Variants in DOCK2 observed in about 807,000 individuals in gnomAD.
The protein encoded by DOCK2 is dedicator of cytokinesis protein 2.
A neutral mutation model predicts 248.9 loss-of-function variants in DOCK2; 87 were observed. The observed-to-expected ratio is 0.35, with a 90% CI of 0.29 to 0.42. DOCK2 has a LOEUF of 0.42. Among genes scored for constraint, DOCK2 ranks in the 10% least tolerant of loss-of-function variants. DOCK2 has a pLI of 1.00. For synonymous variants in DOCK2, 805 were observed against 821.6 expected (o/e 0.98, Z 0.35); for missense variants, 1,747 against 2,300.2 (o/e 0.76, Z 4.92).
In DOCK2 at chr5:169,859,978, T is replaced by C. The variant is rs1342051996; in HGVS notation, c.2799+19126T>C. On this transcript the variant is annotated intron_variant, in intron 27 of 51. Coordinates refer to ENST00000520908, the MANE Select transcript of DOCK2 (RefSeq NM_004946.3). ...TCCTTCTTTTTTTTTTTTTTTTTCT[T>C]TTTTTTTTTTGAGACAGACTATTGC... Among the ~76,000 whole-genome samples the C allele has an allele frequency of 3.4e-5, 5 of 147,880 alleles. No individual in the cohort carries two copies. The East Asian group carries it at 7.8e-4, about 23-fold the overall frequency.
At chr5:169,801,313 T>C (rs1766977059) in intron 25 of DOCK2, among the ~76,000 whole-genome samples, 1 of 152,054 alleles carries the variant, frequency 6.6e-6, no homozygotes, top group East Asian at 1.9e-4. Context: ...AGACTGCACA[T>C]TTCATGTAGT....
intron 1 of DOCK2, among the ~76,000 whole-genome samples, chr5:169,644,847 A>G (rs1346577774): frequency 1.3e-5 from 2 of 151,936 alleles, no homozygotes; most frequent in Admixed American, 6.6e-5. Context: ...CCCCGTGGCC[A>G]TATGTTCTCA....
chr5:169,953,821 T>C (rs1057114764), intron 27 of DOCK2, among the ~76,000 whole-genome samples: 3 of 152,222 alleles, frequency 2.0e-5, no homozygotes, highest in African/African-American at 7.2e-5. Context: ...GCTAAGAGCA[T>C]GAGCCCTGGC....
chr5:169,705,874 C>T (rs1388868634), intron 14 of DOCK2, among the ~76,000 whole-genome samples: 1 of 152,226 alleles, frequency 6.6e-6, no homozygotes, highest in East Asian at 1.9e-4. Context: ...AGCCTCCAGG[C>T]TTCCTGATCC....
In DOCK2 at chr5:169,821,415, T is replaced by G. The variant is rs543718089; in HGVS notation, c.2703+18209T>G. On this transcript the variant is annotated intron_variant, in intron 26 of 51. Coordinates refer to ENST00000520908, the MANE Select transcript of DOCK2 (RefSeq NM_004946.3). ...AAGGGAAGCCCATCAGACTAACAGC[T>G]GATCTCTCGGCAGAAACTCTACAAG... 7.9e-5 allele frequency among the ~76,000 whole-genome samples: 12 copies of G among 152,274 alleles called. 1 individual carries two copies. In the South Asian group the frequency reaches 2.5e-3, roughly 32 times the overall value.
chr5:170,075,737 G>A (rs1008625649), intron 46 of DOCK2: 9 of 593,666 alleles, frequency 1.5e-5, no homozygotes, highest in African/African-American at 1.5e-4. Context: ...GGAAGCTGGG[G>A]GTCTTTCTCT....
chr5:169,881,175 A>G (rs1009108197), intron 27 of DOCK2, among the ~76,000 whole-genome samples: 2 of 152,224 alleles, frequency 1.3e-5, no homozygotes, highest in Non-Finnish European at 2.9e-5. Flanking sequence ...TGATTACATC[A>G]AAAGGGTATG....
At chr5:169,943,035 G>A (rs904207885) in intron 27 of DOCK2, among the ~76,000 whole-genome samples, 1 of 152,210 alleles carries the variant, frequency 6.6e-6, no homozygotes, top group Non-Finnish European at 1.5e-5. Context: ...AATAAGTATA[G>A]GAATGTGTTG....
chr5:169,916,191 T>G (rs775909280), intron 27 of DOCK2, among the ~76,000 whole-genome samples: 1 of 152,186 alleles, frequency 6.6e-6, no homozygotes, highest in Non-Finnish European at 1.5e-5. Context: ...AATAGAGTCT[T>G]TTAAGAGTGT....
At chr5:169,696,152 C>T (rs1215267134) in intron 10 of DOCK2, among the ~76,000 whole-genome samples, 1 of 152,206 alleles carries the variant, frequency 6.6e-6, no homozygotes, top group Non-Finnish European at 1.5e-5. Context: ...ATCATGGGCT[C>T]CTCTTGTCTG....
At chr5:169,704,125 G>C (rs182470174) in intron 14 of DOCK2, 1 of 152,360 alleles carries the variant, frequency 6.6e-6, no homozygotes, top group East Asian at 1.9e-4. Flanking sequence ...GTGGGGCATG[G>C]TGATGATTTG....
Position 170,019,162 on chromosome 5 carries a change from C to T in DOCK2, c.3381+54C>T, listed in dbSNP as rs768551872. ...AGCATGCCTAATCCCCAGCCCATTT[C>T]CCCATAATGATATCCTCATTCCATC... is the stretch of plus-strand genomic sequence containing the variant. On this transcript the variant is annotated intron_variant, in intron 33 of 51. Coordinates refer to ENST00000520908, the MANE Select transcript of DOCK2 (RefSeq NM_004946.3). 5.8e-4 allele frequency: 934 copies of T among 1,610,912 alleles called. 2 individuals are homozygous for T. The highest frequency in any genetic ancestry group is 7.6e-4 in the Non-Finnish European group (895 of 1,178,370).
intron 2 of DOCK2, among the ~76,000 whole-genome samples, chr5:169,660,123 C>T (rs1758358682): frequency 6.6e-6 from 1 of 152,178 alleles, no homozygotes; most frequent in South Asian, 2.1e-4. Context: ...ATGCCCCTGA[C>T]ATCTTTGTGT....
chr5:169,657,998 T>A (rs1758215863), intron 2 of DOCK2, among the ~76,000 whole-genome samples: 1 of 152,270 alleles, frequency 6.6e-6, no homozygotes, highest in Non-Finnish European at 1.5e-5. Context: ...GACATCACTT[T>A]CACAACAAAG....
At chr5:169,850,451 G>T (rs1259515609) in intron 27 of DOCK2, among the ~76,000 whole-genome samples, 1 of 152,008 alleles carries the variant, frequency 6.6e-6, no homozygotes, top group Non-Finnish European at 1.5e-5. Context: ...TATGTGCAAG[G>T]GTATGTTTGT....
At chr5:169,759,980 A>C (rs578170408) in intron 24 of DOCK2, among the ~76,000 whole-genome samples, 2 of 152,190 alleles carry the variant, frequency 1.3e-5, no homozygotes, top group Non-Finnish European at 2.9e-5. Context: ...CCAACTGTAT[A>C]ATAAGCATCC....
chr5:169,804,875 A>G (rs1767258267), intron 26 of DOCK2, among the ~76,000 whole-genome samples: 1 of 152,204 alleles, frequency 6.6e-6, no homozygotes, highest in African/African-American at 2.4e-5. Flanking sequence ...ACAGTATAAT[A>G]ACCAAAAGCT....
At chr5:170,065,956 T>TTTG (rs933310357) in intron 44 of DOCK2, among the ~76,000 whole-genome samples, 2 of 150,568 alleles carry the variant, frequency 1.3e-5, no homozygotes, top group African/African-American at 4.9e-5. Flanking sequence ...GAAAACTGTT[T>TTTG]TTTTTTTTTT....
intron 27 of DOCK2, among the ~76,000 whole-genome samples, chr5:169,872,687 A>G (rs765748240): frequency 6.6e-5 from 10 of 152,168 alleles, no homozygotes; most frequent in Non-Finnish European, 1.5e-4. Flanking sequence ...CAGAAAGGGT[A>G]GATCATCTCC....
Sources: allele counts gnomAD v4.1 joint callset (sites outside exome capture counted in the v4.1 genomes callset), GRCh38; gene constraint gnomAD v4.1.1; transcripts MANE v1.5; gene names NCBI Gene and HGNC (gene_info 2026-07-23, HGNC 2026-07-21).